NEUROD1: variants seen among roughly 807,000 people sequenced by gnomAD.
The protein encoded by NEUROD1 is neuronal differentiation 1.
NEUROD1 carries 9 observed loss-of-function variants against 21.8 expected under a neutral mutation model. That is an observed-to-expected ratio of 0.41 (90% CI 0.25 to 0.72). The LOEUF (loss-of-function observed/expected upper bound fraction) is 0.72, where lower values mean the gene tolerates loss of function less well. Among genes scored for constraint, NEUROD1 ranks in the 30% least tolerant of loss-of-function variants. NEUROD1 has a pLI of 0.31. For synonymous variants in NEUROD1, 199 were observed against 186.2 expected (o/e 1.07, Z -0.56); for missense variants, 434 against 468.8 (o/e 0.93, Z 0.69).
At chr2:181,675,531 A>C (rs551897053), downstream of NEUROD1, among the ~76,000 whole-genome samples, 222 of 152,316 alleles carry the variant, frequency 1.5e-3, no homozygotes, top group African/African-American at 5.2e-3. Flanking sequence ...GAAACAATGG[A>C]GTTACTAATG....
chr2:181,674,902 T>A (rs1053637105), downstream of NEUROD1, among the ~76,000 whole-genome samples: 1 of 152,208 alleles, frequency 6.6e-6, no homozygotes, highest in African/African-American at 2.4e-5. Flanking sequence ...GCTGGAATTC[T>A]CAAAATGGCA....
chr2:181,668,983 T>A (rs1688458661), downstream of NEUROD1, among the ~76,000 whole-genome samples: 1 of 152,182 alleles, frequency 6.6e-6, no homozygotes, highest in South Asian at 2.1e-4. Flanking sequence ...CTTCTGCTAC[T>A]CTGTTACCCT....
chr2:181,679,472 A>T (rs555286160), intron 1 of NEUROD1, among the ~76,000 whole-genome samples: 2 of 152,368 alleles, frequency 1.3e-5, no homozygotes, highest in African/African-American at 4.8e-5. Flanking sequence ...TTCACCATCA[A>T]TGTAACATTT....
chr2:181,678,678 G>T lies in NEUROD1; in HGVS notation c.183C>A (p.Asp61Glu), dbSNP rs1688638868. The change falls in exon 2 of 2, where the codon GAC (aspartate) becomes GAA (glutamate). Residue 61 changes from aspartate (D) to glutamate (E), a missense_variant. Transcript: ENST00000295108. This position sits in a 1 kb window ranked among gnomAD's most constrained non-coding sequence, Gnocchi z 5.5. Reference protein sequence around the residue: ...DSLRNGGEEEDEDEDLEEEEE... With the variant: ...DSLRNGGEEEEEDEDLEEEEE... ...CCTCCTCTTCCAGGTCCTCATCTTC[G>T]TCCTCCTCCTCTCCCCCGTTCCTCA... 6.2e-7 allele frequency: 1 copy of T among 1,611,318 alleles called. No homozygotes were observed. Among genetic ancestry groups the T allele is most frequent in the Non-Finnish European group, 8.5e-7 (1 of 1,178,756 alleles).
At chr2:181,675,357 G>A (rs1003340889), downstream of NEUROD1, among the ~76,000 whole-genome samples, 1 of 152,172 alleles carries the variant, frequency 6.6e-6, no homozygotes, top group African/African-American at 2.4e-5. Context: ...AATGTTATTA[G>A]TATGGCTAAT....
Position 181,679,010 on chromosome 2 carries a change from C to T in NEUROD1, c.-11-139G>A, listed in dbSNP as rs540324766. 21 of 1,036,922 alleles carry T rather than the reference C, an allele frequency of 2.0e-5. No homozygotes were observed. The Middle Eastern group carries it at 1.2e-3, about 60-fold the overall frequency. 64.2% of individuals were successfully genotyped at this position (1,036,922 alleles called of 1,614,324 possible). On this transcript the variant is annotated intron_variant, in intron 1 of 1. Transcript: ENST00000295108. ...GTACCTGCCCATTACAAAATGAATGCCTCTGAGAAAAAGTTAAATGCAGTG... is the reference window on the plus strand; with the variant it reads ...GTACCTGCCCATTACAAAATGAATGTCTCTGAGAAAAAGTTAAATGCAGTG...
chr2:181,677,923 C>T lies in NEUROD1; in HGVS notation c.938G>A (p.Ser313Asn), dbSNP rs1360696752. ...GGTGCCTGAGAAGATTGATCCGTGGCTTTGGGCCCCTGCCAGTGTCGCTGC... is the reference window on the plus strand; with the variant it reads ...GGTGCCTGAGAAGATTGATCCGTGGTTTTGGGCCCCTGCCAGTGTCGCTGC... ...YPAATLAGAQ[S>N]HGSIFSGTAA... is the part of the protein sequence containing the mutation. Residue 313 changes from serine (S) to asparagine (N), a missense_variant, in exon 2 of 2, where the codon AGC (serine) becomes AAC (asparagine). Coordinates refer to ENST00000295108, the MANE Select transcript of NEUROD1 (RefSeq NM_002500.5). The T allele has an allele frequency of 5.0e-6, 8 of 1,614,064 alleles. No homozygotes were observed. Among genetic ancestry groups the T allele is most frequent in the East Asian group, 2.2e-5 (1 of 44,892 alleles).
chr2:181,670,880 A>T (rs956288419), exon 2 of NEUROD1, among the ~76,000 whole-genome samples: 1 of 152,174 alleles, frequency 6.6e-6, no homozygotes, highest in African/African-American at 2.4e-5. Context: ...ATGAACTTGT[A>T]TCAATTTACA....
downstream of NEUROD1, among the ~76,000 whole-genome samples, chr2:181,675,500 T>G (rs1026368980): frequency 1.3e-5 from 2 of 152,200 alleles, no homozygotes; most frequent in African/African-American, 2.4e-5. Context: ...AGTCATCCAA[T>G]GTGGCACCCG....
chr2:181,675,700 T>G (rs1320881847), downstream of NEUROD1, among the ~76,000 whole-genome samples: 1 of 151,746 alleles, frequency 6.6e-6, no homozygotes, highest in Non-Finnish European at 1.5e-5. Flanking sequence ...CATCCATAAG[T>G]TTTTCCAGTG....
At chr2:181,674,206 C>T (rs1688533519), downstream of NEUROD1, among the ~76,000 whole-genome samples, 1 of 152,152 alleles carries the variant, frequency 6.6e-6, no homozygotes, top group African/African-American at 2.4e-5. Context: ...AGGATTTTCA[C>T]ATTAAACAAG....
rs71004600 is a variant in NEUROD1, at chr2:181,671,025, GCACACACA to G, written n.2913_2920del. 3.4e-3 allele frequency among the ~76,000 whole-genome samples: 497 copies of G among 146,704 alleles called. 4 individuals are homozygous for G. The highest frequency in any genetic ancestry group is 0.011 in the African/African-American group (457 of 39,854). ...ACTCAACCAAGTATAGCATATGTGT[GCACACACA>G]CACACACACACACACACACACACCA... On this transcript the variant is annotated non_coding_transcript_exon_variant, in exon 2 of 2. Coordinates refer to the NEUROD1 transcript ENST00000496876.
chr2:181,676,166 A>G (rs1688565682), downstream of NEUROD1, among the ~76,000 whole-genome samples: 4 of 152,224 alleles, frequency 2.6e-5, no homozygotes, highest in Admixed American at 2.6e-4. Context: ...TCATTTTTAA[A>G]AATGGAAATA....
In NEUROD1 at chr2:181,676,702, T is replaced by C. The variant is rs559120594; in HGVS notation, c.*1088A>G. ...TACTGTACTAATTGACTACTATAGA[T>C]ATAAATCCCAACATTAACAACCTGA... is the stretch of plus-strand genomic sequence containing the variant. On this transcript the variant is annotated 3_prime_UTR_variant, in exon 2 of 2. Transcript: ENST00000295108. 17 of 152,766 alleles carry C rather than the reference T, an allele frequency of 1.1e-4. No individual in the cohort carries two copies. The highest frequency in any genetic ancestry group is 3.8e-4 in the African/African-American group (16 of 41,588). The allele number at this position is 152,766 out of a possible 1,614,324, so 9.5% of individuals were successfully genotyped here.
chr2:181,673,820 A>G (rs1212366081), downstream of NEUROD1, among the ~76,000 whole-genome samples: 1 of 152,196 alleles, frequency 6.6e-6, no homozygotes, highest in Non-Finnish European at 1.5e-5. Context: ...AGTAATTGCT[A>G]GCTTCTTTCA....
downstream of NEUROD1, among the ~76,000 whole-genome samples, chr2:181,670,012 T>C (rs2696352): frequency 0.24 from 37,240 of 152,064 alleles, 6,150 homozygotes; most frequent in African/African-American, 0.47. Flanking sequence ...TTAAATTCAT[T>C]TGGACTAGAA....
Position 181,678,254 on chromosome 2 carries a change from T to C in NEUROD1, c.607A>G (p.Met203Val), listed in dbSNP as rs200292501. The C allele has an allele frequency of 6.2e-7, 1 of 1,614,128 alleles. No homozygotes were observed. The highest frequency in any genetic ancestry group is 8.5e-7 in the Non-Finnish European group (1 of 1,180,022). The change falls in exon 2 of 2, where the codon ATG becomes GTG. Residue 203 changes from methionine to valine, a missense_variant. Transcript: ENST00000295108. The surrounding 1 kb of genome is among the most constrained non-coding windows in gnomAD (Gnocchi z 5.5). ...CTGGCCGTCGGCAGGTGGGGGGGCA[T>C]GTCCTGGTTCTGCTCAGGCAGAAAA... ...RTFLPEQNQDMPPHLPTASAS... is the reference protein window; with the variant it reads ...RTFLPEQNQDVPPHLPTASAS...
downstream of NEUROD1, among the ~76,000 whole-genome samples, chr2:181,673,915 A>T (rs1487894419): frequency 6.6e-6 from 1 of 152,158 alleles, no homozygotes. Context: ...CACAAAATTT[A>T]TTTCAAATGG....
downstream of NEUROD1, among the ~76,000 whole-genome samples, chr2:181,672,464 C>A (rs1427266255): frequency 6.6e-6 from 1 of 152,182 alleles, no homozygotes; most frequent in Non-Finnish European, 1.5e-5. Context: ...ACCAGAGGAA[C>A]AGCAACACAC....
Sources: allele counts gnomAD v4.1 joint callset (sites outside exome capture counted in the v4.1 genomes callset), GRCh38; gene constraint gnomAD v4.1.1; non-coding constraint Gnocchi (gnomAD v3.1); transcripts MANE v1.5; gene names NCBI Gene and HGNC (gene_info 2026-07-23, HGNC 2026-07-21).